GALNT13: variants seen among roughly 807,000 people sequenced by gnomAD.
GALNT13 encodes the protein UDP-GalNAc:polypeptide N-acetylgalactosaminyltransferase 13.
GALNT13 carries 28 observed loss-of-function variants against 64.2 expected under a neutral mutation model. The ratio of observed to expected loss-of-function variants is 0.44; its 90% CI spans 0.32 to 0.60. GALNT13 has a LOEUF of 0.60. GALNT13 is among the 20% of genes least tolerant of loss of function. The pLI, the probability that GALNT13 is intolerant of heterozygous loss-of-function variation, is 0.05. For missense variants in GALNT13, 577 were observed against 669.8 expected, an observed-to-expected ratio of 0.86 and a Z score of 1.53; for synonymous variants, 214 against 224.6, an observed-to-expected ratio of 0.95 and a Z score of 0.42.
chr2:153,585,446 A>T, the GALNT13 span, among the ~76,000 whole-genome samples: 1 of 152,188 alleles, frequency 6.6e-6, no homozygotes, highest in Non-Finnish European at 1.5e-5. Context: ...GGTTGAACAC[A>T]CTCATGAATT....
the GALNT13 span, among the ~76,000 whole-genome samples, chr2:153,367,404 T>G: frequency 6.6e-6 from 1 of 152,102 alleles, no homozygotes. Flanking sequence ...TCCGTCAAGG[T>G]GTCCATGTCC....
chr2:154,198,601 C>T (rs1687005120), intron 4 of GALNT13, among the ~76,000 whole-genome samples: 1 of 151,830 alleles, frequency 6.6e-6, no homozygotes, highest in Non-Finnish European at 1.5e-5. Flanking sequence ...TTACAGGGAA[C>T]AAGACTTGGA....
intron 2 of GALNT13, among the ~76,000 whole-genome samples, chr2:153,931,103 GTCTA>G (rs1421356854): frequency 1.4e-5 from 2 of 137,972 alleles, no homozygotes; most frequent in African/African-American, 5.2e-5. Flanking sequence ...GTGTGTGTGT[GTCTA>G]TTGTGAATGG....
intron 4 of GALNT13, among the ~76,000 whole-genome samples, chr2:154,208,046 A>G (rs1687558780): frequency 1.3e-5 from 2 of 152,156 alleles, no homozygotes; most frequent in South Asian, 4.1e-4. Flanking sequence ...TTTTTAAGCA[A>G]CTAAGAAGGA....
chr2:153,644,469 T>G, the GALNT13 span, among the ~76,000 whole-genome samples: 1 of 152,046 alleles, frequency 6.6e-6, no homozygotes, highest in Non-Finnish European at 1.5e-5. Context: ...GTTATTGCTG[T>G]CTCAGTACTG....
At chr2:153,403,462 C>T in the GALNT13 span, among the ~76,000 whole-genome samples, 104 of 152,260 alleles carry the variant, frequency 6.8e-4, no homozygotes, top group Non-Finnish European at 3.2e-4. Context: ...CCACCCAGTT[C>T]GAGCTTCCTG....
the GALNT13 span, among the ~76,000 whole-genome samples, chr2:153,301,749 G>A: frequency 6.6e-6 from 1 of 152,060 alleles, no homozygotes; most frequent in Non-Finnish European, 1.5e-5. Flanking sequence ...TCACACATAA[G>A]TGAGGTTATA....
chr2:154,123,865 C>G (rs1040866376), intron 3 of GALNT13, among the ~76,000 whole-genome samples: 1 of 151,934 alleles, frequency 6.6e-6, no homozygotes, highest in South Asian at 2.1e-4. Context: ...TGAGAATTTG[C>G]GTGGGCTTCA....
At chr2:154,174,455 A>C (rs1191677075) in intron 4 of GALNT13, among the ~76,000 whole-genome samples, 1 of 152,106 alleles carries the variant, frequency 6.6e-6, no homozygotes, top group African/African-American at 2.4e-5. Context: ...CAGGTAGATA[A>C]ATCTGAGGAT....
At chr2:154,055,091 TC>T in intron 3 of GALNT13, among the ~76,000 whole-genome samples, 1 of 152,152 alleles carries the variant, frequency 6.6e-6, no homozygotes, top group South Asian at 2.1e-4. Flanking sequence ...GTTCAATAAA[TC>T]CTACATAATT....
the GALNT13 span, among the ~76,000 whole-genome samples, chr2:153,720,192 C>T: frequency 6.8e-6 from 1 of 146,190 alleles, no homozygotes; most frequent in Non-Finnish European, 1.5e-5. Context: ...CACCCCCCAG[C>T]AGGGGCACAC....
chr2:153,676,950 T>TCCCC, the GALNT13 span, among the ~76,000 whole-genome samples: 1 of 151,832 alleles, frequency 6.6e-6, no homozygotes, highest in Admixed American at 6.6e-5. Flanking sequence ...CCAGAGACAT[T>TCCCC]TTGCTGGAGC....
the GALNT13 span, chr2:153,420,959 T>C: frequency 5.6e-6 from 1 of 178,868 alleles, no homozygotes; most frequent in Non-Finnish European, 1.3e-5. Flanking sequence ...TAATGCCAAC[T>C]TTGAGGCTAG....
At chr2:153,793,709 A>G in the GALNT13 span, among the ~76,000 whole-genome samples, 2 of 152,080 alleles carry the variant, frequency 1.3e-5, no homozygotes, top group African/African-American at 4.8e-5. Flanking sequence ...TATGTATCAA[A>G]GGAAAATTTA....
intron 12 of GALNT13, among the ~76,000 whole-genome samples, chr2:154,442,625 G>A (rs1049126872): frequency 1.7e-4 from 26 of 152,172 alleles, no homozygotes; most frequent in Non-Finnish European, 2.2e-4. Context: ...TTTTTATAAA[G>A]TTCTGTCATC....
rs1701533274 is a variant in GALNT13, at chr2:154,445,685, A to G, written c.1531-4726A>G. ...TGTACTATTTTACTGTGGAAGATAA[A>G]TCCTTGAAAACATAAATCCAATAAT... On this transcript the variant is annotated intron_variant, in intron 12 of 12. Coordinates refer to ENST00000392825, the MANE Select transcript of GALNT13 (RefSeq NM_052917.4). 3 of 462,930 alleles carry G rather than the reference A, an allele frequency of 6.5e-6. No homozygotes were observed. In the South Asian group the frequency reaches 7.1e-5, roughly 11 times the overall value. The allele number at this position is 462,930 out of a possible 1,614,324, so 28.7% of individuals were successfully genotyped here.
chr2:153,968,859 A>G (rs1329653221), intron 3 of GALNT13, among the ~76,000 whole-genome samples: 2 of 152,186 alleles, frequency 1.3e-5, no homozygotes, highest in Admixed American at 6.5e-5. Context: ...TTATCTCATC[A>G]TCAGTATGTG....
the GALNT13 span, among the ~76,000 whole-genome samples, chr2:153,713,029 A>G: frequency 6.6e-6 from 1 of 152,198 alleles, no homozygotes; most frequent in Non-Finnish European, 1.5e-5. Flanking sequence ...CCAACTGTAT[A>G]AAAACTACTT....
At chr2:153,987,718 C>T (rs1694894877) in intron 3 of GALNT13, among the ~76,000 whole-genome samples, 1 of 151,652 alleles carries the variant, frequency 6.6e-6, no homozygotes, top group Admixed American at 6.6e-5. Flanking sequence ...AGATAGTTTG[C>T]CCTTTAACTT....
Sources: allele counts gnomAD v4.1 joint callset (sites outside exome capture counted in the v4.1 genomes callset), GRCh38; gene constraint gnomAD v4.1.1; transcripts MANE v1.5; gene names NCBI Gene and HGNC (gene_info 2026-07-23, HGNC 2026-07-21).